The following DENND3 variants were observed in gnomAD, a reference collection of about 807,000 sequenced individuals.
DENND3 encodes the protein DENN domain-containing protein 3.
A neutral mutation model predicts 135.1 loss-of-function variants in DENND3; 88 were observed. The ratio of observed to expected loss-of-function variants is 0.65; its 90% CI spans 0.55 to 0.78. DENND3 has a LOEUF of 0.78. Ranked by LOEUF, DENND3 falls within the 30% of genes least tolerant of loss-of-function variation. The pLI is 0.00. For missense variants in DENND3, 1,392 were observed against 1,688.4 expected (o/e 0.82, Z 3.08); for synonymous variants, 693 against 712.3 (o/e 0.97, Z 0.43).
At chr8:141,157,267 G>A (rs1819554828) in intron 8 of DENND3, 1 of 982,042 alleles carries the variant, frequency 1.0e-6, no homozygotes, top group Non-Finnish European at 1.2e-6. Flanking sequence ...GGTCAGGGGA[G>A]GGTGAGAGGA....
Position 141,137,154 on chromosome 8 carries a change from G to T in DENND3, c.385+363G>T, listed in dbSNP as rs555299709. On this transcript the variant is annotated intron_variant, in intron 2 of 22. Coordinates refer to ENST00000519811, the MANE Select transcript of DENND3 (RefSeq NM_001352890.3). This position sits in a 1 kb window ranked among gnomAD's most constrained non-coding sequence, Gnocchi z 4.1. Reference sequence around the variant, plus strand: ...ACCACCACGCCTGGCTAACTTTTGTGTCTTTAGTAGAAATGGGGTTTCACC... The same window carrying T: ...ACCACCACGCCTGGCTAACTTTTGTTTCTTTAGTAGAAATGGGGTTTCACC... 6.6e-6 allele frequency among the ~76,000 whole-genome samples: 1 copy of T among 151,926 alleles called. No individual in the cohort carries two copies. The highest frequency in any genetic ancestry group is 1.5e-5 in the Non-Finnish European group (1 of 67,972).
intron 16 of DENND3, among the ~76,000 whole-genome samples, chr8:141,180,313 C>G (rs567173883): frequency 7.3e-4 from 111 of 152,290 alleles, no homozygotes; most frequent in Non-Finnish European, 1.3e-3. Context: ...TGGGAAACCG[C>G]GCTCATGGGT....
At chr8:141,132,181 G>A (rs1816201194) in intron 1 of DENND3, among the ~76,000 whole-genome samples, 1 of 152,076 alleles carries the variant, frequency 6.6e-6, no homozygotes, top group East Asian at 1.9e-4. Flanking sequence ...AATGGAACCT[G>A]TTATGTAGGA....
chr8:141,128,914 C>G lies in DENND3; in HGVS notation c.102+105C>G. 3 of 867,870 alleles carry G rather than the reference C, an allele frequency of 3.5e-6. No homozygotes were observed. The highest frequency in any genetic ancestry group is 4.7e-6 in the Non-Finnish European group (3 of 633,232). The allele number at this position is 867,870 out of a possible 1,614,324, so 53.8% of individuals were successfully genotyped here. Reference sequence around the variant, plus strand: ...GCCCTGTGGGTTGGCGCGGACTTTCCGAGGGCTGAGTCCCGGTCCCCCGGC... The same window carrying G: ...GCCCTGTGGGTTGGCGCGGACTTTCGGAGGGCTGAGTCCCGGTCCCCCGGC... On this transcript the variant is annotated intron_variant, in intron 1 of 22. Coordinates refer to ENST00000519811, the MANE Select transcript of DENND3 (RefSeq NM_001352890.3). This position sits in a 1 kb window ranked among gnomAD's most constrained non-coding sequence, Gnocchi z 4.5.
rs180866512 is a variant in DENND3 at position 141,183,776 on chromosome 8, T to C, written c.2945-1363T>C. On this transcript the variant is annotated intron_variant, in intron 17 of 22. Transcript: ENST00000519811. Reference sequence around the variant, plus strand: ...TAATTTAAAAAAAAAAAGAAAAGTTTATGCTTGAAAGTGCAACAGGCTCCA... The same window carrying C: ...TAATTTAAAAAAAAAAAGAAAAGTTCATGCTTGAAAGTGCAACAGGCTCCA... Among the ~76,000 whole-genome samples the C allele has an allele frequency of 5.2e-3, 782 of 151,058 alleles. 5 individuals carry two copies. Among genetic ancestry groups the C allele is most frequent in the African/African-American group, 0.018 (754 of 41,088 alleles).
intron 7 of DENND3, among the ~76,000 whole-genome samples, chr8:141,152,703 G>C (rs981976877): frequency 1.3e-5 from 2 of 152,108 alleles, no homozygotes; most frequent in African/African-American, 4.8e-5. Flanking sequence ...TGGCTGCTCT[G>C]AACACTTGTG....
intron 22 of DENND3, 144 bp downstream of exon 22, chr8:141,192,807 C>T (rs781343991): frequency 3.8e-6 from 6 of 1,574,516 alleles, no homozygotes; most frequent in Middle Eastern, 1.7e-4. Flanking sequence ...CAGGCACGTG[C>T]AGGGTTGGTG....
Position 141,185,155 on chromosome 8 carries a change from C to T in DENND3, c.2961C>T (p.Ala987=), listed in dbSNP as rs752376991. 36 of 1,613,670 alleles carry T rather than the reference C, an allele frequency of 2.2e-5. No homozygotes were observed. The highest frequency in any genetic ancestry group is 7.7e-5 in the South Asian group (7 of 91,080). ...LLYTPGHLDP[A]EKVEDAHPKL... is the part of the protein sequence containing the mutation. ...CCTCTTTAGGGCATCTTGACCCAGCCGAAAAAGTTGAAGATGCTCACCCCA... is the reference window on the plus strand; with the variant it reads ...CCTCTTTAGGGCATCTTGACCCAGCTGAAAAAGTTGAAGATGCTCACCCCA... The change falls in exon 18 of 23, where the codon GCC becomes GCT. Residue 987 remains alanine, a synonymous_variant. Coordinates refer to ENST00000519811, the MANE Select transcript of DENND3 (RefSeq NM_001352890.3).
At position 141,141,297 on chromosome 8, in the gene DENND3, A is replaced by G. The variant is rs1278912437; in HGVS notation, c.596A>G (p.Tyr199Cys). The stretch of plus-strand genomic sequence containing the variant: ...TGCGTGGTCTCCAGGTTTCCCTATT[A>G]CAACTCCCTCAAGGACTGCCTTTCC... Reference protein sequence around the residue: ...AVCVVSRFPYYNSLKDCLSCL... With the variant: ...AVCVVSRFPYCNSLKDCLSCL... Residue 199 changes from tyrosine to cysteine, a missense_variant, in exon 4 of 23, where the codon TAC becomes TGC. Transcript: ENST00000519811. This position sits in a 1 kb window ranked among gnomAD's most constrained non-coding sequence, Gnocchi z 5.3. 1 of 1,613,548 alleles carries G rather than the reference A, an allele frequency of 6.2e-7. No homozygotes were observed. The highest frequency in any genetic ancestry group is 8.5e-7 in the Non-Finnish European group (1 of 1,179,824).
chr8:141,165,194 C>A lies in DENND3; in HGVS notation c.1458C>A (p.Asp486Glu). ...GDHQFYKQVL[D>E]TYMFHSFLKA... ...CCCTCTCTCTTTTCCAGGTCTTAGA[C>A]ACCTACATGTTCCATTCTTTTCTTA... Residue 486 changes from aspartate (D) to glutamate (E), a missense_variant, in exon 11 of 23, where the codon GAC becomes GAA. Physicochemically the swap from Asp to Glu is conservative, Grantham distance 45. Coordinates refer to ENST00000519811, the MANE Select transcript of DENND3 (RefSeq NM_001352890.3). 6.2e-7 allele frequency: 1 copy of A among 1,613,956 alleles called. No homozygotes were observed. Among genetic ancestry groups the A allele is most frequent in the South Asian group, 1.1e-5 (1 of 91,076 alleles).
intron 8 of DENND3, chr8:141,158,079 T>G (rs570766360): frequency 1.6e-6 from 2 of 1,232,722 alleles, no homozygotes; most frequent in African/African-American, 3.1e-5. Context: ...CCTTTATTAT[T>G]GTTCTTGCAT....
chr8:141,128,807 C>A lies in DENND3; in HGVS notation c.100C>A (p.Gln34Lys). ...CCGGGACAGTCTCCGAAGTCTCGAG[C>A]AGGTGAGGGGCGGGGAAACTGAGGC... is the stretch of plus-strand genomic sequence containing the variant. ...APRDSLRSLEQVAYKKGVKHL... is the reference protein window; with the variant it reads ...APRDSLRSLEKVAYKKGVKHL... Residue 34 changes from glutamine (Q) to lysine (K), a missense_variant and splice_region_variant, in exon 1 of 23, where the codon CAG (glutamine) becomes AAG (lysine). Coordinates refer to ENST00000519811, the MANE Select transcript of DENND3 (RefSeq NM_001352890.3). The surrounding 1 kb of genome is among the most constrained non-coding windows in gnomAD (Gnocchi z 4.5). The A allele has an allele frequency of 7.0e-7, 1 of 1,434,172 alleles. No homozygotes were observed. Among genetic ancestry groups the A allele is most frequent in the Non-Finnish European group, 9.2e-7 (1 of 1,089,418 alleles). The allele number at this position is 1,434,172 out of a possible 1,614,324, so 88.8% of individuals were successfully genotyped here.
At chr8:141,179,409 C>T (rs1341428625) in intron 16 of DENND3, among the ~76,000 whole-genome samples, 1 of 152,258 alleles carries the variant, frequency 6.6e-6, no homozygotes, top group Admixed American at 6.5e-5. Context: ...CCTTCTAACG[C>T]CTCTGTTATC....
chr8:141,169,618 T>TCCCC (rs1821256968), intron 13 of DENND3, among the ~76,000 whole-genome samples: 1 of 152,162 alleles, frequency 6.6e-6, no homozygotes, highest in Non-Finnish European at 1.5e-5. Context: ...TCTCCCTCCC[T>TCCCC]CCCCAGAGGG....
Position 141,190,265 on chromosome 8 carries a change from G to A in DENND3, c.3246-19G>A, listed in dbSNP as rs745672774. The A allele has an allele frequency of 1.9e-6, 3 of 1,572,174 alleles. No individual in the cohort carries two copies. The highest frequency in any genetic ancestry group is 2.6e-6 in the Non-Finnish European group (3 of 1,157,038). ...AGGGGCCCAAGTTAAAGGTGTGTGTGTGTGTTTTGTGCCCCCAGCAACGTG... is the reference window on the plus strand; with the variant it reads ...AGGGGCCCAAGTTAAAGGTGTGTGTATGTGTTTTGTGCCCCCAGCAACGTG... On this transcript the variant is annotated intron_variant, in intron 19 of 22. Transcript: ENST00000519811.
chr8:141,165,553 C>T (rs1820678683), intron 11 of DENND3, among the ~76,000 whole-genome samples: 1 of 151,944 alleles, frequency 6.6e-6, no homozygotes, highest in African/African-American at 2.4e-5. Flanking sequence ...CAACCTCCGC[C>T]TCCTGGGTTC....
Position 141,138,186 on chromosome 8 carries a change from T to A in DENND3, c.501+49T>A. 1 of 1,534,660 alleles carries A rather than the reference T, an allele frequency of 6.5e-7. No individual in the cohort carries two copies. The highest frequency in any genetic ancestry group is 8.9e-7 in the Non-Finnish European group (1 of 1,129,680). ...TCTGAAATTGGGTTTAGATTTTTTA[T>A]TATGGTGAAATACACATAACACAAC... On this transcript the variant is annotated intron_variant, in intron 3 of 22. Coordinates refer to ENST00000519811, the MANE Select transcript of DENND3 (RefSeq NM_001352890.3). The surrounding 1 kb of genome is among the most constrained non-coding windows in gnomAD (Gnocchi z 4.8).
rs952445791 is a variant in DENND3, at chr8:141,139,883, C to T, written c.502-1320C>T. On this transcript the variant is annotated intron_variant, in intron 3 of 22. Transcript: ENST00000519811. The surrounding 1 kb of genome is among the most constrained non-coding windows in gnomAD (Gnocchi z 4.2). ...CATCTCTCCTTCTTCACTATGTATC[C>T]GGATGACGCTATATCTATCGTTTTT... Among the ~76,000 whole-genome samples, 7 of 151,722 alleles carry T rather than the reference C, an allele frequency of 4.6e-5. No homozygotes were observed. The highest frequency in any genetic ancestry group is 9.7e-5 in the African/African-American group (4 of 41,224).
At chr8:141,185,553 A>AG (rs1206718211) in intron 18 of DENND3, 1 of 355,366 alleles carries the variant, frequency 2.8e-6, no homozygotes, top group Non-Finnish European at 5.3e-6. Context: ...AATAGATTGC[A>AG]GGGGCTCACA....
Sources: gnomAD v4.1 joint callset for allele counts (sites outside exome capture counted in the v4.1 genomes callset) on GRCh38, gnomAD v4.1.1 for gene constraint, Gnocchi (gnomAD v3.1) non-coding constraint, MANE v1.5 for transcripts, NCBI Gene and HGNC (gene_info 2026-07-23, HGNC 2026-07-21) for gene names.